Variants in BMP7 observed in about 807,000 individuals in gnomAD.
BMP7 encodes the protein bone morphogenetic protein 7, also known as osteogenic protein 1.
A neutral mutation model predicts 41.2 loss-of-function variants in BMP7; 12 were observed. That is an observed-to-expected ratio of 0.29 (90% confidence interval 0.19 to 0.47). BMP7 has a LOEUF of 0.47. BMP7 is among the 20% of genes least tolerant of loss of function. The pLI, the probability that BMP7 is intolerant of heterozygous loss-of-function variation, is 0.99. For synonymous variants in BMP7, 248 were observed against 250.0 expected (o/e 0.99, Z 0.07); for missense variants, 467 against 606.0 (o/e 0.77, Z 2.41).
At chr20:57,265,042 A>AAAG (rs2066169774) in intron 1 of BMP7, among the ~76,000 whole-genome samples, 1 of 120,150 alleles carries the variant, frequency 8.3e-6, no homozygotes. Context: ...AAAAAAAAAA[A>AAAG]AAAAGAAAAG....
intron 1 of BMP7, among the ~76,000 whole-genome samples, chr20:57,239,512 C>T (rs1374441840): frequency 6.6e-6 from 1 of 152,188 alleles, no homozygotes; most frequent in Non-Finnish European, 1.5e-5. Flanking sequence ...TTGGATCTAC[C>T]ATTCTGGGGT....
intron 4 of BMP7, 114 bp from the exon 5 acceptor site, chr20:57,175,121 C>G (rs1051253447): frequency 8.8e-7 from 1 of 1,132,916 alleles, no homozygotes; most frequent in Admixed American, 2.0e-5. Context: ...GCACAGACGG[C>G]TGGGGGGTAA....
chr20:57,228,425 G>A lies in BMP7; in HGVS notation c.419-4C>T, dbSNP rs753162364. On this transcript the variant is annotated splice_polypyrimidine_tract_variant and splice_region_variant and intron_variant, in intron 1 of 6. Coordinates refer to ENST00000395863, the MANE Select transcript of BMP7 (RefSeq NM_001719.3). This position sits in a 1 kb window ranked among gnomAD's most constrained non-coding sequence, Gnocchi z 4.5. ...AAGAATTCCTTGTCATGTTCCACTG[G>A]AAGAGGAAGAGAACACACACCAACA... The A allele has an allele frequency of 6.2e-7, 1 of 1,613,972 alleles. No homozygotes were observed. The highest frequency in any genetic ancestry group is 8.5e-7 in the Non-Finnish European group (1 of 1,179,858).
In BMP7 at chr20:57,266,309, G is replaced by A. The variant is rs1173978480; in HGVS notation, c.-187C>T. On this transcript the variant is annotated 5_prime_UTR_variant, in exon 1 of 7. Transcript: ENST00000395863. ...CCCGGACCCCCGCCCCCTGCTCGGTGCTGGCCCCGGGCCCCTCGCCCCGCA... is the reference window on the plus strand; with the variant it reads ...CCCGGACCCCCGCCCCCTGCTCGGTACTGGCCCCGGGCCCCTCGCCCCGCA... 2.5e-6 allele frequency: 1 copy of A among 400,482 alleles called. No individual in the cohort carries two copies. The highest frequency in any genetic ancestry group is 5.0e-5 in the East Asian group (1 of 19,988). 24.8% of individuals were successfully genotyped at this position (400,482 alleles called of 1,614,324 possible). A position where few individuals can be genotyped will look rare whatever the true frequency, so the allele number is the denominator to read the frequency against.
At chr20:57,180,518 C>T (rs1301232310) in intron 4 of BMP7, among the ~76,000 whole-genome samples, 2 of 152,196 alleles carry the variant, frequency 1.3e-5, no homozygotes, top group African/African-American at 2.4e-5. Context: ...ACCACCCTGA[C>T]TCTGGGTCTG....
chr20:57,208,849 G>A (rs940687556), intron 2 of BMP7, among the ~76,000 whole-genome samples: 2 of 152,182 alleles, frequency 1.3e-5, no homozygotes, highest in Non-Finnish European at 2.9e-5. Context: ...TAGTATATGA[G>A]TCCATTTCTA....
intron 2 of BMP7, among the ~76,000 whole-genome samples, chr20:57,216,559 T>C (rs230203): frequency 0.49 from 70,515 of 145,178 alleles, 18,204 homozygotes; most frequent in South Asian, 0.58. Context: ...CGAGGGGCTG[T>C]CTCCTGAGGG....
chr20:57,177,994 GGTCATAGATAA>G (rs1454371613), intron 4 of BMP7: 1 of 152,326 alleles, frequency 6.6e-6, no homozygotes, highest in Non-Finnish European at 1.5e-5. Flanking sequence ...ACGAGAGGCG[GGTCATAGATAA>G]GTGAGTGCAC....
intron 3 of BMP7, among the ~76,000 whole-genome samples, chr20:57,188,132 C>A (rs1454018854): frequency 6.6e-6 from 1 of 152,116 alleles, no homozygotes. Context: ...CACGGGTTCA[C>A]ATGAAAAACT....
intron 1 of BMP7, among the ~76,000 whole-genome samples, chr20:57,247,523 C>G (rs1174427643): frequency 6.6e-6 from 1 of 152,190 alleles, no homozygotes; most frequent in Non-Finnish European, 1.5e-5. Context: ...TAATCATCTC[C>G]TCCAACCAAC....
intron 1 of BMP7, among the ~76,000 whole-genome samples, chr20:57,257,122 C>T (rs752111803): frequency 4.6e-5 from 7 of 152,118 alleles, no homozygotes; most frequent in Non-Finnish European, 8.8e-5. Context: ...GAACTCCACG[C>T]CTCCACCCTG....
chr20:57,187,549 C>T (rs1316962062), intron 3 of BMP7, among the ~76,000 whole-genome samples: 1 of 124,998 alleles, frequency 8.0e-6, no homozygotes, highest in Non-Finnish European at 1.7e-5. Flanking sequence ...CAGAAGGAAG[C>T]CTGCCCTCTC....
chr20:57,232,355 T>G (rs2123121305), intron 1 of BMP7, among the ~76,000 whole-genome samples: 1 of 152,096 alleles, frequency 6.6e-6, no homozygotes, highest in Middle Eastern at 3.4e-3. Flanking sequence ...AGAATGACAA[T>G]CAATGCAGAA....
At position 57,234,658 on chromosome 20, in the gene BMP7, G is replaced by C. The variant is rs1026774362; in HGVS notation, c.419-6237C>G. ...GGATGGGCAGGAAACACTCCCAGTAGCTGTGTTCTCTCCAGATGACCATTC... is the reference window on the plus strand; with the variant it reads ...GGATGGGCAGGAAACACTCCCAGTACCTGTGTTCTCTCCAGATGACCATTC... On this transcript the variant is annotated intron_variant, in intron 1 of 6. Coordinates refer to ENST00000395863, the MANE Select transcript of BMP7 (RefSeq NM_001719.3). 1.2e-4 allele frequency among the ~76,000 whole-genome samples: 18 copies of C among 149,976 alleles called. 1 individual carries two copies. The highest frequency in any genetic ancestry group is 3.0e-4 in the African/African-American group (12 of 40,324).
chr20:57,201,104 C>A (rs562506676), intron 3 of BMP7, among the ~76,000 whole-genome samples: 1 of 152,326 alleles, frequency 6.6e-6, no homozygotes, highest in South Asian at 2.1e-4. Flanking sequence ...AGAACACAGA[C>A]TCCTCTGCCC....
At position 57,266,473 on chromosome 20, in the gene BMP7, AGGCG is replaced by A; in HGVS notation, c.-355_-352del. On this transcript the variant is annotated 5_prime_UTR_variant, in exon 1 of 7. Coordinates refer to ENST00000395863, the MANE Select transcript of BMP7 (RefSeq NM_001719.3). The stretch of plus-strand genomic sequence containing the variant: ...AACGCCGGGGAGGCAGCGAGGAGGC[AGGCG>A]GGCGGGCGAGCGCTCCTTCTTCCCG... 1 of 170,474 alleles carries A rather than the reference AGGCG, an allele frequency of 5.9e-6. No homozygotes were observed. Among genetic ancestry groups the A allele is most frequent in the East Asian group, 1.7e-4 (1 of 6,012 alleles). The allele number at this position is 170,474 out of a possible 1,614,324, so 10.6% of individuals were successfully genotyped here. A position where few individuals can be genotyped will look rare whatever the true frequency, so the allele number is the denominator to read the frequency against.
intron 2 of BMP7, among the ~76,000 whole-genome samples, chr20:57,225,160 G>A (rs143290776): frequency 4.9e-4 from 74 of 152,342 alleles, no homozygotes; most frequent in African/African-American, 1.7e-3. Context: ...GAAGCTGTGC[G>A]GGCCCAGGTT....
rs1600726680 is a variant in BMP7 at position 57,174,810 on chromosome 20, C to A, written c.1035+121G>T. ...GCCCAAGTCCCCTTCCCTAGCGAGG[C>A]CACTTGATACTGGAGTCTTAACTGG... is the stretch of plus-strand genomic sequence containing the variant. On this transcript the variant is annotated intron_variant, in intron 5 of 6. Transcript: ENST00000395863. The surrounding 1 kb of genome is among the most constrained non-coding windows in gnomAD (Gnocchi z 4.3). 1 of 1,113,406 alleles carries A rather than the reference C, an allele frequency of 9.0e-7. No individual in the cohort carries two copies. Among genetic ancestry groups the A allele is most frequent in the Non-Finnish European group, 1.3e-6 (1 of 761,862 alleles). The allele number at this position is 1,113,406 out of a possible 1,614,324, so 69.0% of individuals were successfully genotyped here.
chr20:57,231,956 G>A (rs1037640222), intron 1 of BMP7, among the ~76,000 whole-genome samples: 1 of 152,240 alleles, frequency 6.6e-6, no homozygotes, highest in Non-Finnish European at 1.5e-5. Flanking sequence ...CACTGAGCAA[G>A]CACTCTTTGC....
Sources: gnomAD v4.1 joint callset for allele counts (sites outside exome capture counted in the v4.1 genomes callset) on GRCh38, gnomAD v4.1.1 for gene constraint, Gnocchi (gnomAD v3.1) non-coding constraint, MANE v1.5 for transcripts, NCBI Gene and HGNC (gene_info 2026-07-23, HGNC 2026-07-21) for gene names.